The following EIF2S1 variants were observed in gnomAD, a reference collection of about 807,000 sequenced individuals.
EIF2S1 encodes the protein eukaryotic translation initiation factor 2 subunit 1.
In EIF2S1, 5 loss-of-function variants were observed where a neutral mutation model predicts 33.5. The observed-to-expected ratio is 0.15, with a 90% CI of 0.08 to 0.31. The LOEUF (loss-of-function observed/expected upper bound fraction) is 0.31. EIF2S1 is among the 10% of genes least tolerant of loss of function. The pLI is 1.00. For synonymous variants in EIF2S1, 99 were observed against 127.5 expected (o/e 0.78, Z 1.51); for missense variants, 191 against 384.6 (o/e 0.50, Z 4.21).
At chr14:67,369,230 T>C (rs1457053901) in intron 2 of EIF2S1, among the ~76,000 whole-genome samples, 1 of 152,180 alleles carries the variant, frequency 6.6e-6, no homozygotes, top group African/African-American at 2.4e-5. Flanking sequence ...TCTATTAATA[T>C]TAGATAAAGT....
In EIF2S1 at chr14:67,382,510, C is replaced by G. The variant is rs943819925; in HGVS notation, c.742C>G (p.Leu248Val). 1.9e-6 allele frequency: 3 copies of G among 1,613,718 alleles called. No homozygotes were observed. In the African/African-American group the frequency reaches 4.0e-5, roughly 22 times the overall value. ...TTTTLERTEG[L>V]SVLSQAMAVI... ...GACAACCCTGGAGAGAACAGAAGGC[C>G]TTTCTGTCCTCAGTCAAGCTATGGC... The change falls in exon 7 of 8, where the codon CTT becomes GTT. Residue 248 changes from leucine to valine, a missense_variant. By Grantham distance (32) the Leu-to-Val change is conservative (BLOSUM62 1). Coordinates refer to ENST00000256383, the MANE Select transcript of EIF2S1 (RefSeq NM_004094.5).
At chr14:67,368,466 A>C (rs1009851651) in intron 2 of EIF2S1, among the ~76,000 whole-genome samples, 3 of 152,144 alleles carry the variant, frequency 2.0e-5, no homozygotes, top group African/African-American at 4.8e-5. Context: ...AAAATAAGAA[A>C]ATATTTAGTT....
rs2085916796 is a variant in EIF2S1 at position 67,385,483 on chromosome 14, GC to G, written c.*2045del. On this transcript the variant is annotated 3_prime_UTR_variant, in exon 8 of 8. Coordinates refer to ENST00000256383, the MANE Select transcript of EIF2S1 (RefSeq NM_004094.5). Reference sequence around the variant, plus strand: ...CAAAAATCTTGAATCTCCCATCAAAGCCTTTTCATTAAAAATACAATTTCAT... The same window carrying G: ...CAAAAATCTTGAATCTCCCATCAAAGCTTTTCATTAAAAATACAATTTCAT... 1 of 149,514 alleles carries G rather than the reference GC, an allele frequency of 6.7e-6. No individual in the cohort carries two copies. Among genetic ancestry groups the G allele is most frequent in the Non-Finnish European group, 1.5e-5 (1 of 67,456 alleles). 9.3% of individuals were successfully genotyped at this position (149,514 alleles called of 1,614,324 possible).
At chr14:67,368,149 G>GAAA (rs2085793015) in intron 2 of EIF2S1, among the ~76,000 whole-genome samples, 1 of 152,148 alleles carries the variant, frequency 6.6e-6, no homozygotes. Flanking sequence ...GGAACTAGGG[G>GAAA]AAAAAGTAGG....
At chr14:67,362,385 A>T (rs2085748762) in intron 1 of EIF2S1, among the ~76,000 whole-genome samples, 1 of 152,208 alleles carries the variant, frequency 6.6e-6, no homozygotes, top group African/African-American at 2.4e-5. Context: ...AAAAAAATTA[A>T]CAAATTATTA....
chr14:67,384,949 GCTT>G lies in EIF2S1; in HGVS notation c.*1513_*1515del, dbSNP rs2085911621. 1.3e-5 allele frequency: 2 copies of G among 152,180 alleles called. No individual in the cohort carries two copies. The highest frequency in any genetic ancestry group is 1.9e-4 in the East Asian group (1 of 5,198). The allele number at this position is 152,180 out of a possible 1,614,324, so 9.4% of individuals were successfully genotyped here. ...AGAATGCATTCAAAATATAACAGGT[GCTT>G]CTTTGTTGTACGCAGAGGAATTTTT... On this transcript the variant is annotated 3_prime_UTR_variant, in exon 8 of 8. Coordinates refer to ENST00000256383, the MANE Select transcript of EIF2S1 (RefSeq NM_004094.5).
intron 1 of EIF2S1, among the ~76,000 whole-genome samples, chr14:67,362,678 A>G (rs1013164128): frequency 6.6e-6 from 1 of 152,178 alleles, no homozygotes; most frequent in Non-Finnish European, 1.5e-5. Context: ...TAAAATAAGA[A>G]TGCTGTGAAA....
chr14:67,380,930 C>T (rs1176274803), intron 5 of EIF2S1, among the ~76,000 whole-genome samples, 165 bp downstream of exon 5: 1 of 152,128 alleles, frequency 6.6e-6, no homozygotes, highest in African/African-American at 2.4e-5. Flanking sequence ...GCTTCTGAAT[C>T]ATAAAATTTA....
intron 7 of EIF2S1, among the ~76,000 whole-genome samples, 175 bp from the exon 8 acceptor site, chr14:67,383,140 C>A (rs78552927): frequency 0.034 from 5,225 of 152,182 alleles, 125 homozygotes; most frequent in Middle Eastern, 0.095. Flanking sequence ...TCATAAGTTT[C>A]ACCTCTTATT....
chr14:67,364,034 G>T (rs2085758651), intron 1 of EIF2S1: 1 of 152,140 alleles, frequency 6.6e-6, no homozygotes. Flanking sequence ...AATGCTTGGA[G>T]GTTAAGAGAA....
intron 1 of EIF2S1, 135 bp from the exon 2 acceptor site, chr14:67,364,630 TTC>T (rs2141127361): frequency 1.2e-6 from 1 of 858,062 alleles, no homozygotes; most frequent in East Asian, 2.8e-5. Context: ...CTTAAGAAGT[TTC>T]AAAGGATGAG....
rs1455785358 is a variant in EIF2S1, at chr14:67,385,679, G to C, written c.*2239G>C. On this transcript the variant is annotated 3_prime_UTR_variant, in exon 8 of 8. Coordinates refer to ENST00000256383, the MANE Select transcript of EIF2S1 (RefSeq NM_004094.5). ...TTTTCTTTTTTTTTTTTTTTTTTTGGCAAATGGTGTTATATTGCCTGGGCA... is the reference window on the plus strand; with the variant it reads ...TTTTCTTTTTTTTTTTTTTTTTTTGCCAAATGGTGTTATATTGCCTGGGCA... 1.5e-5 allele frequency: 2 copies of C among 129,546 alleles called. No individual in the cohort carries two copies. Among genetic ancestry groups the C allele is most frequent in the Non-Finnish European group, 3.2e-5 (2 of 62,046 alleles). The allele number at this position is 129,546 out of a possible 1,614,324, so 8.0% of individuals were successfully genotyped here.
chr14:67,362,360 A>G (rs755535240), intron 1 of EIF2S1, among the ~76,000 whole-genome samples: 1 of 152,142 alleles, frequency 6.6e-6, no homozygotes, highest in African/African-American at 2.4e-5. Flanking sequence ...TGCTTAGTAC[A>G]TAGTAGCTAC....
At chr14:67,381,780 A>C in intron 6 of EIF2S1, 90 bp downstream of exon 6, 3 of 885,550 alleles carry the variant, frequency 3.4e-6, no homozygotes, top group South Asian at 3.5e-5. Context: ...TTTTTTAATC[A>C]CATTTCATAA....
intron 4 of EIF2S1, among the ~76,000 whole-genome samples, chr14:67,377,435 C>G (rs2085862843): frequency 6.6e-6 from 1 of 152,210 alleles, no homozygotes; most frequent in Non-Finnish European, 1.5e-5. Flanking sequence ...GAAAACCACT[C>G]TATCCCTGCT....
Position 67,368,192 on chromosome 14 carries a change from G to C in EIF2S1, c.241+3184G>C, listed in dbSNP as rs982320038. Among the ~76,000 whole-genome samples the C allele has an allele frequency of 1.1e-4, 16 of 152,304 alleles. No individual in the cohort carries two copies. The East Asian group carries it at 2.1e-3, about 20-fold the overall frequency. Reference sequence around the variant, plus strand: ...TTTTGTTGGAGTTTCTGCAGGAAAAGCAAGGCAGAGCAGCGTAAACGGCTT... The same window carrying C: ...TTTTGTTGGAGTTTCTGCAGGAAAACCAAGGCAGAGCAGCGTAAACGGCTT... On this transcript the variant is annotated intron_variant, in intron 2 of 7. Transcript: ENST00000256383.
At chr14:67,370,101 C>T (rs1351739082) in intron 2 of EIF2S1, among the ~76,000 whole-genome samples, 2 of 152,266 alleles carry the variant, frequency 1.3e-5, no homozygotes, top group Non-Finnish European at 1.5e-5. Flanking sequence ...AGCAGGAACA[C>T]GTCCTTAAGA....
intron 3 of EIF2S1, among the ~76,000 whole-genome samples, chr14:67,375,920 T>C (rs1282270490): frequency 6.6e-6 from 1 of 152,220 alleles, no homozygotes; most frequent in Non-Finnish European, 1.5e-5. Flanking sequence ...GGAAGAGTTA[T>C]TCAGTGTCAG....
rs574753366 is a variant in EIF2S1, at chr14:67,384,982, T to C, written c.*1542T>C. Reference sequence around the variant, plus strand: ...GTTGTACGCAGAGGAATTTTTTCTTTTGATTTTGTTTACTGAAATTTGTTA... The same window carrying C: ...GTTGTACGCAGAGGAATTTTTTCTTCTGATTTTGTTTACTGAAATTTGTTA... On this transcript the variant is annotated 3_prime_UTR_variant, in exon 8 of 8. Coordinates refer to ENST00000256383, the MANE Select transcript of EIF2S1 (RefSeq NM_004094.5). 6.6e-6 allele frequency: 1 copy of C among 152,336 alleles called. No individual in the cohort carries two copies. The highest frequency in any genetic ancestry group is 2.1e-4 in the South Asian group (1 of 4,830). 9.4% of individuals were successfully genotyped at this position (152,336 alleles called of 1,614,324 possible).
Sources: allele counts gnomAD v4.1 joint callset (sites outside exome capture counted in the v4.1 genomes callset), GRCh38; gene constraint gnomAD v4.1.1; transcripts MANE v1.5; gene names NCBI Gene and HGNC (gene_info 2026-07-23, HGNC 2026-07-21).